THSD7B: variants seen among roughly 807,000 people sequenced by gnomAD.
THSD7B encodes thrombospondin type-1 domain-containing protein 7B.
THSD7B carries 138 observed loss-of-function variants against 213.6 expected under a neutral mutation model. The observed-to-expected ratio is 0.65, with a 90% CI of 0.56 to 0.74. The LOEUF is 0.74. THSD7B is among the 30% of genes least tolerant of loss of function. THSD7B has a pLI of 0.00. For missense variants in THSD7B, 1,931 were observed against 1,991.5 expected (o/e 0.97, Z 0.58); for synonymous variants, 742 against 687.0 (o/e 1.08, Z -1.25).
At chr2:137,265,480 C>T (rs1382075880) in intron 10 of THSD7B, among the ~76,000 whole-genome samples, 1 of 152,142 alleles carries the variant, frequency 6.6e-6, no homozygotes, top group Non-Finnish European at 1.5e-5. Flanking sequence ...ACCCAAAGGA[C>T]TATAAATCAT....
chr2:137,355,063 C>G (rs1009438534), intron 12 of THSD7B, among the ~76,000 whole-genome samples: 18 of 152,072 alleles, frequency 1.2e-4, no homozygotes, highest in African/African-American at 4.3e-4. Flanking sequence ...TCTTTAATAG[C>G]TTTATTTGAA....
At chr2:137,667,731 CTT>C (rs1358928294) in intron 26 of THSD7B, 41 bp from the exon 27 acceptor site, 14 of 1,511,632 alleles carry the variant, frequency 9.3e-6, no homozygotes, top group Admixed American at 1.9e-5. Flanking sequence ...ATGCTGCAGA[CTT>C]CTGTATGCTA....
intron 15 of THSD7B, among the ~76,000 whole-genome samples, chr2:137,516,071 A>C (rs1680061942): frequency 6.6e-6 from 1 of 152,226 alleles, no homozygotes; most frequent in Admixed American, 6.5e-5. Flanking sequence ...GGCTAGGGCC[A>C]AGTGGCAGCA....
chr2:137,384,448 G>A (rs2104968747), intron 12 of THSD7B, among the ~76,000 whole-genome samples: 1 of 152,328 alleles, frequency 6.6e-6, no homozygotes, highest in Non-Finnish European at 1.5e-5. Context: ...CTGTTAGACA[G>A]AAGGGATTAA....
chr2:137,604,826 A>G (rs1682141880), intron 17 of THSD7B, among the ~76,000 whole-genome samples: 1 of 152,196 alleles, frequency 6.6e-6, no homozygotes, highest in African/African-American at 2.4e-5. Flanking sequence ...AATATTATGC[A>G]AACTGTGATT....
chr2:137,617,031 GAA>G (rs113477032), intron 18 of THSD7B, among the ~76,000 whole-genome samples: 1 of 148,462 alleles, frequency 6.7e-6, no homozygotes, highest in Non-Finnish European at 1.5e-5. Flanking sequence ...TTTTCTGAAA[GAA>G]AAAAAAAAAT....
At chr2:137,477,389 G>GTATC (rs1688215538) in intron 15 of THSD7B, among the ~76,000 whole-genome samples, 1 of 151,960 alleles carries the variant, frequency 6.6e-6, no homozygotes, top group African/African-American at 2.4e-5. Context: ...AAGTGTATAT[G>GTATC]TATCTTTACA....
intron 2 of THSD7B, among the ~76,000 whole-genome samples, chr2:136,910,806 A>G (rs1684244601): frequency 6.6e-6 from 1 of 152,072 alleles, no homozygotes; most frequent in Non-Finnish European, 1.5e-5. Flanking sequence ...ATAATGATAT[A>G]TTTGATTTTA....
At chr2:136,868,615 T>G (rs1398323936) in intron 1 of THSD7B, among the ~76,000 whole-genome samples, 1 of 152,234 alleles carries the variant, frequency 6.6e-6, no homozygotes, top group Non-Finnish European at 1.5e-5. Flanking sequence ...AAAATGTTAA[T>G]GAGTAATTAA....
rs1451915033 is a variant in THSD7B, at chr2:137,208,009, C to A, written c.1724-23035C>A. ...AGGGTAGGGCTGCTATTTCTCACGG[C>A]CCAATAACGAGATGTAGATGAACTG... On this transcript the variant is annotated intron_variant, in intron 7 of 27. Transcript: ENST00000409968. Among the ~76,000 whole-genome samples the A allele has an allele frequency of 4.6e-5, 7 of 151,944 alleles. No homozygotes were observed. In the South Asian group the frequency reaches 1.5e-3, roughly 32 times the overall value.
chr2:137,015,338 C>G (rs1411618617), intron 2 of THSD7B, among the ~76,000 whole-genome samples: 1 of 152,078 alleles, frequency 6.6e-6, no homozygotes, highest in Non-Finnish European at 1.5e-5. Flanking sequence ...ATTCAGTATT[C>G]TTAGACTTGA....
chr2:137,339,756 T>C (rs1485804585), intron 12 of THSD7B, among the ~76,000 whole-genome samples: 1 of 151,596 alleles, frequency 6.6e-6, no homozygotes, highest in Non-Finnish European at 1.5e-5. Flanking sequence ...TTTTTCTCAC[T>C]TCCATATAGA....
At chr2:136,844,462 C>CAG (rs56716402) in intron 1 of THSD7B, among the ~76,000 whole-genome samples, 31,229 of 142,438 alleles carry the variant, frequency 0.22, 3,620 homozygotes, top group Middle Eastern at 0.4. Flanking sequence ...CCACCCAAAA[C>CAG]AGAGAGAGAG....
chr2:136,874,189 T>C lies in THSD7B; in HGVS notation c.-35-7955T>C, dbSNP rs941170706. 2.0e-5 allele frequency among the ~76,000 whole-genome samples: 3 copies of C among 152,166 alleles called. No homozygotes were observed. The South Asian group carries it at 6.2e-4, about 32-fold the overall frequency. On this transcript the variant is annotated intron_variant, in intron 1 of 27. Coordinates refer to ENST00000409968, the MANE Select transcript of THSD7B (RefSeq NM_001316349.2). ...TCTCTCTTGCTTCAGTGGGAGATCATTGAGGTCACTTGGAAACAACCGACT... is the reference window on the plus strand; with the variant it reads ...TCTCTCTTGCTTCAGTGGGAGATCACTGAGGTCACTTGGAAACAACCGACT...
chr2:137,556,918 A>G (rs1680983307), intron 15 of THSD7B, among the ~76,000 whole-genome samples: 1 of 152,164 alleles, frequency 6.6e-6, no homozygotes, highest in African/African-American at 2.4e-5. Flanking sequence ...CAGACTTTAA[A>G]CCAACAAAGA....
At chr2:136,894,787 A>G (rs1443102218) in intron 2 of THSD7B, among the ~76,000 whole-genome samples, 1 of 152,176 alleles carries the variant, frequency 6.6e-6, no homozygotes, top group Non-Finnish European at 1.5e-5. Context: ...TCTGCACGTT[A>G]AAGTTTATTT....
intron 7 of THSD7B, among the ~76,000 whole-genome samples, chr2:137,182,986 T>G (rs1680482704): frequency 6.6e-6 from 1 of 152,138 alleles, no homozygotes; most frequent in East Asian, 1.9e-4. Context: ...ATGTCAGCTC[T>G]TATCATTATT....
At chr2:137,130,442 T>C (rs1235226423) in intron 5 of THSD7B, among the ~76,000 whole-genome samples, 1 of 151,956 alleles carries the variant, frequency 6.6e-6, no homozygotes, top group Admixed American at 6.6e-5. Flanking sequence ...GTTAGTTACA[T>C]ATGTATACAT....
chr2:137,057,231 G>A lies in THSD7B; in HGVS notation c.950+1G>A. ...GTGATGGACAAAATGCTATGTTAAG[G>A]TAGGAGACCTTTGATGCTTGAATTT... On this transcript the variant is annotated splice_donor_variant, in intron 3 of 27. Coordinates refer to ENST00000409968, the MANE Select transcript of THSD7B (RefSeq NM_001316349.2). LOFTEE classifies it high-confidence loss of function. The A allele has an allele frequency of 6.3e-7, 1 of 1,597,818 alleles. No individual in the cohort carries two copies. The highest frequency in any genetic ancestry group is 8.5e-7 in the Non-Finnish European group (1 of 1,170,652).
Sources: gnomAD v4.1 joint callset for allele counts (sites outside exome capture counted in the v4.1 genomes callset) on GRCh38, gnomAD v4.1.1 for gene constraint, MANE v1.5 for transcripts, NCBI Gene and HGNC (gene_info 2026-07-23, HGNC 2026-07-21) for gene names.